ZFP28: variants seen among roughly 807,000 people sequenced by gnomAD.
ZFP28 encodes the protein ZFP28 zinc finger protein.
A neutral mutation model predicts 39.5 loss-of-function variants in ZFP28; 31 were observed. The observed-to-expected ratio is 0.79, with a 90% CI of 0.59 to 1.06. ZFP28 has a LOEUF of 1.06. ZFP28 is among the 50% of genes least tolerant of loss of function. ZFP28 has a pLI of 0.00. For missense variants in ZFP28, 925 were observed against 1,048.4 expected, an observed-to-expected ratio of 0.88 and a Z score of 1.63; for synonymous variants, 400 against 378.6, an observed-to-expected ratio of 1.06 and a Z score of -0.66.
In ZFP28 at chr19:56,553,889, C is replaced by T; in HGVS notation, c.1104C>T (p.Leu368=). 4 of 1,614,126 alleles carry T rather than the reference C, an allele frequency of 2.5e-6. 1 individual carries two copies. The South Asian group carries it at 3.3e-5, about 13-fold the overall frequency. ...AGCCAATTACTCATAACAAAACCCT[C>T]TCTAAGGAAAGAGAACGTACATATA... is the stretch of plus-strand genomic sequence containing the variant. The part of the protein sequence containing the change: ...RQEPITHNKT[L]SKERERTYNK... The change falls in exon 8 of 8, where the codon CTC becomes CTT. Residue 368 remains leucine (L), a synonymous_variant. Coordinates refer to ENST00000301318, the MANE Select transcript of ZFP28 (RefSeq NM_020828.2).
intron 2 of ZFP28, chr19:56,545,801 T>A (rs1416904800): frequency 6.6e-6 from 1 of 152,002 alleles, no homozygotes; most frequent in Non-Finnish European, 1.5e-5. Context: ...TGAAGGGAGC[T>A]CAAGGCTCAG....
At chr19:56,543,905 A>G (rs1178126032) in intron 2 of ZFP28, among the ~76,000 whole-genome samples, 1 of 152,222 alleles carries the variant, frequency 6.6e-6, no homozygotes, top group Non-Finnish European at 1.5e-5. Context: ...CTTTTAATAG[A>G]AGTAGAATGG....
intron 7 of ZFP28, chr19:56,552,962 T>C (rs926625782): frequency 2.0e-5 from 3 of 152,210 alleles, no homozygotes; most frequent in Non-Finnish European, 4.4e-5. Flanking sequence ...TTTAACCATT[T>C]TGAAGTGTAC....
In ZFP28 at chr19:56,547,414, T is replaced by G; in HGVS notation, c.301-94T>G. 6.3e-7 allele frequency: 1 copy of G among 1,578,608 alleles called. No homozygotes were observed. The highest frequency in any genetic ancestry group is 1.1e-5 in the South Asian group (1 of 87,986). On this transcript the variant is annotated intron_variant, in intron 2 of 7. Transcript: ENST00000301318. The surrounding 1 kb of genome is among the most constrained non-coding windows in gnomAD (Gnocchi z 4.6). Reference sequence around the variant, plus strand: ...GGGGATTAGGAGTTTAATGTAGGAGTTTTGTCAGGGGACACATTTCTTTCT... The same window carrying G: ...GGGGATTAGGAGTTTAATGTAGGAGGTTTGTCAGGGGACACATTTCTTTCT...
At chr19:56,545,050 T>G (rs985403271) in intron 2 of ZFP28, among the ~76,000 whole-genome samples, 1 of 152,218 alleles carries the variant, frequency 6.6e-6, no homozygotes, top group Non-Finnish European at 1.5e-5. Flanking sequence ...CCAAGATGCT[T>G]CAACTTGCAA....
At chr19:56,537,600 T>C (rs1188438318), upstream of ZFP28, 1 of 152,252 alleles carries the variant, frequency 6.6e-6, no homozygotes, top group African/African-American at 2.4e-5. Context: ...TCCACCTGAC[T>C]GAAACTAAGC....
chr19:56,539,265 C>A (rs757069015), intron 1 of ZFP28, 39 bp downstream of exon 1: 35 of 1,545,632 alleles, frequency 2.3e-5, no homozygotes, highest in Non-Finnish European at 3.0e-5. Context: ...CGGACAGGGA[C>A]GAATTCATCT....
At chr19:56,542,444 C>T (rs1024996853) in intron 2 of ZFP28, among the ~76,000 whole-genome samples, 4 of 152,198 alleles carry the variant, frequency 2.6e-5, no homozygotes, top group African/African-American at 4.8e-5. Flanking sequence ...TGATTCCCCG[C>T]GCCCAGACAA....
At chr19:56,541,336 T>C (rs199668529) in intron 2 of ZFP28, among the ~76,000 whole-genome samples, 3,699 of 148,662 alleles carry the variant, frequency 0.025, 67 homozygotes, top group Non-Finnish European at 0.039. Flanking sequence ...TTGCAAATTA[T>C]GTGCAGAATC....
At chr19:56,553,432 G>A (rs1230778892) in intron 7 of ZFP28, among the ~76,000 whole-genome samples, 3 of 152,050 alleles carry the variant, frequency 2.0e-5, no homozygotes, top group Non-Finnish European at 4.4e-5. Context: ...TGTTGTGCAG[G>A]CTATGTTGTC....
chr19:56,551,130 T>C, intron 7 of ZFP28: 6 of 1,020,150 alleles, frequency 5.9e-6, no homozygotes, highest in East Asian at 9.4e-5. Flanking sequence ...TTGCAGAATT[T>C]CAAATAGGGC....
At chr19:56,537,035 G>A (rs1334345169), upstream of ZFP28, among the ~76,000 whole-genome samples, 1 of 112,254 alleles carries the variant, frequency 8.9e-6, no homozygotes, top group Non-Finnish European at 1.9e-5. Context: ...GGGGGTGGTT[G>A]TCGGTCAGTA....
intron 2 of ZFP28, chr19:56,545,951 A>C (rs1246569653): frequency 1.3e-5 from 2 of 152,200 alleles, no homozygotes; most frequent in Non-Finnish European, 2.9e-5. Flanking sequence ...TATATAGGTC[A>C]AGGGTGACAA....
intron 2 of ZFP28, chr19:56,544,410 C>A (rs963556228): frequency 1.3e-5 from 2 of 152,232 alleles, no homozygotes; most frequent in African/African-American, 4.8e-5. Flanking sequence ...CATTGTAGCA[C>A]AACATACTTG....
In ZFP28 at chr19:56,553,697, A is replaced by G. The variant is rs138544212; in HGVS notation, c.912A>G (p.Val304=). Residue 304 remains valine (V), a synonymous_variant, in exon 8 of 8, where the codon GTA becomes GTG. Coordinates refer to ENST00000301318, the MANE Select transcript of ZFP28 (RefSeq NM_020828.2). The stretch of plus-strand genomic sequence containing the variant: ...GGTATCTTTCAGGCCAGCGATCTGT[A>G]CATGAGACCCAGGAATTATTTCCAA... ...TGSLFSGQRS[V]HETQELFPKQ... is the part of the protein sequence containing the mutation. 20 of 1,609,350 alleles carry G rather than the reference A, an allele frequency of 1.2e-5. No homozygotes were observed. In the African/African-American group the frequency reaches 1.6e-4, roughly 13 times the overall value.
intron 7 of ZFP28, chr19:56,551,650 G>C: frequency 2.0e-6 from 2 of 985,296 alleles, no homozygotes; most frequent in Non-Finnish European, 2.4e-6. Context: ...AGATGTATGA[G>C]TTTAATTGCA....
chr19:56,544,192 T>C (rs891644838), intron 2 of ZFP28, among the ~76,000 whole-genome samples: 1 of 152,242 alleles, frequency 6.6e-6, no homozygotes, highest in Non-Finnish European at 1.5e-5. Flanking sequence ...GACACTTAGA[T>C]GGCGTACTTC....
rs767834423 is a variant in ZFP28, at chr19:56,553,783, C to A, written c.998C>A (p.Ser333Tyr). Residue 333 changes from serine (S) to tyrosine (Y), a missense_variant, in exon 8 of 8, where the codon TCC becomes TAC. Around this residue, in one of 2 missense-constraint regions of ZFP28, gnomAD observed 556 missense variants for 542.9 expected, o/e 1.02. Transcript: ENST00000301318. ...ACCTCAAACACTAAACTTGATTGTT[C>A]CAGTTTCAGAGAAAATTGGGATTCT... Reference protein sequence around the residue: ...DRTSNTKLDCSSFRENWDSDY... With the variant: ...DRTSNTKLDCYSFRENWDSDY... The A allele has an allele frequency of 1.2e-6, 2 of 1,614,058 alleles. No individual in the cohort carries two copies. The highest frequency in any genetic ancestry group is 2.2e-5 in the South Asian group (2 of 91,066).
At position 56,547,653 on chromosome 19, in the gene ZFP28, T is replaced by C; in HGVS notation, c.427+19T>C. 1.3e-6 allele frequency: 2 copies of C among 1,599,354 alleles called. No homozygotes were observed. The highest frequency in any genetic ancestry group is 1.1e-5 in the South Asian group (1 of 88,326). On this transcript the variant is annotated intron_variant, in intron 3 of 7. Coordinates refer to ENST00000301318, the MANE Select transcript of ZFP28 (RefSeq NM_020828.2). The surrounding 1 kb of genome is among the most constrained non-coding windows in gnomAD (Gnocchi z 4.6). The stretch of plus-strand genomic sequence containing the variant: ...TCGCTGGGTAAGGGCTCCCACCCCT[T>C]TTCCCACCCCTCACCCTACCCACGT...
Sources: gnomAD v4.1 joint callset for allele counts (sites outside exome capture counted in the v4.1 genomes callset) on GRCh38, gnomAD v4.1.1 for gene constraint, gnomAD v4.1.1 regional missense constraint, Gnocchi (gnomAD v3.1) non-coding constraint, MANE v1.5 for transcripts, NCBI Gene and HGNC (gene_info 2026-07-23, HGNC 2026-07-21) for gene names.